ERC2: variants seen among roughly 807,000 people sequenced by gnomAD.
ERC2 encodes the protein ELKS/RAB6-interacting/CAST family member 2.
Under a neutral mutation model 114.8 loss-of-function variants are expected in ERC2, and 42 were observed. That is an observed-to-expected ratio of 0.37 (90% CI 0.29 to 0.47). ERC2 has a LOEUF of 0.47. Ranked by LOEUF, ERC2 falls within the 20% of genes least tolerant of loss-of-function variation. The pLI is 0.99. For missense variants in ERC2, 939 were observed against 1,150.7 expected (o/e 0.82, Z 2.66); for synonymous variants, 454 against 425.5 (o/e 1.07, Z -0.82).
intron 4 of ERC2, among the ~76,000 whole-genome samples, chr3:56,151,142 A>C (rs2081390464): frequency 6.6e-6 from 1 of 152,158 alleles, no homozygotes; most frequent in African/African-American, 2.4e-5. Flanking sequence ...TTGCTAAGTC[A>C]GACAAGCTCA....
At chr3:56,420,560 C>T (rs903867939) in intron 2 of ERC2, among the ~76,000 whole-genome samples, 1 of 151,852 alleles carries the variant, frequency 6.6e-6, no homozygotes, top group South Asian at 2.1e-4. Context: ...TTTTCCCATC[C>T]ACTTTGGAGA....
intron 14 of ERC2, among the ~76,000 whole-genome samples, chr3:55,768,640 G>T (rs1495365): frequency 0.24 from 37,247 of 152,078 alleles, 5,831 homozygotes; most frequent in African/African-American, 0.42. Context: ...GGGCCAGCTA[G>T]GGGAAGATCA....
chr3:56,193,111 T>C (rs552215881), intron 3 of ERC2, among the ~76,000 whole-genome samples: 7 of 152,238 alleles, frequency 4.6e-5, no homozygotes, highest in African/African-American at 1.2e-4. Context: ...AGAAAATTCA[T>C]GAATACAGGG....
chr3:56,363,143 A>G (rs1024411343), intron 2 of ERC2, among the ~76,000 whole-genome samples: 2 of 152,224 alleles, frequency 1.3e-5, no homozygotes, highest in African/African-American at 4.8e-5. Context: ...TAGAGAAACA[A>G]TGGATCAAGA....
At chr3:55,643,753 T>G (rs531102400) in intron 17 of ERC2, among the ~76,000 whole-genome samples, 2 of 152,322 alleles carry the variant, frequency 1.3e-5, no homozygotes, top group East Asian at 3.9e-4. Context: ...AATTTATGGT[T>G]TCCATTTGTA....
chr3:56,443,676 T>A (rs1291938628), intron 1 of ERC2, among the ~76,000 whole-genome samples: 3 of 151,994 alleles, frequency 2.0e-5, no homozygotes, highest in African/African-American at 7.2e-5. Context: ...TTTTTGGTTG[T>A]TGTCTCCTAA....
intron 2 of ERC2, among the ~76,000 whole-genome samples, chr3:56,390,010 T>C (rs1389568521): frequency 6.6e-6 from 1 of 152,162 alleles, no homozygotes; most frequent in Non-Finnish European, 1.5e-5. Context: ...TGAAAAATCA[T>C]TTAGTTAATA....
intron 17 of ERC2, among the ~76,000 whole-genome samples, chr3:55,604,944 A>G (rs1170003416): frequency 6.6e-6 from 1 of 152,132 alleles, no homozygotes. Flanking sequence ...CCATCTACAG[A>G]GATTCTGATT....
intron 12 of ERC2, among the ~76,000 whole-genome samples, chr3:55,966,636 C>A (rs769183846): frequency 6.6e-6 from 1 of 152,168 alleles, no homozygotes; most frequent in Non-Finnish European, 1.5e-5. Context: ...TAGAGGGAGG[C>A]AGTGCTGGAG....
At chr3:56,365,637 G>A (rs2059120953) in intron 2 of ERC2, among the ~76,000 whole-genome samples, 1 of 152,192 alleles carries the variant, frequency 6.6e-6, no homozygotes, top group Non-Finnish European at 1.5e-5. Flanking sequence ...ATTTTTAAAT[G>A]CTTGGAAAAA....
At chr3:55,599,007 C>T (rs1199717392) in intron 17 of ERC2, among the ~76,000 whole-genome samples, 1 of 152,210 alleles carries the variant, frequency 6.6e-6, no homozygotes. Flanking sequence ...TGAAGAAGGG[C>T]ACAAGTAGGC....
chr3:56,193,340 T>C lies in ERC2; in HGVS notation c.1075-19820A>G, dbSNP rs201574233. Among the ~76,000 whole-genome samples the C allele has an allele frequency of 2.6e-5, 4 of 152,194 alleles. No homozygotes were observed. The East Asian group carries it at 7.8e-4, about 30-fold the overall frequency. ...CTGGCCAACATGGCAAAACCCCGTC[T>C]CTACTGAAAATACAAAAATTAGCAG... On this transcript the variant is annotated intron_variant, in intron 3 of 17. Transcript: ENST00000288221.
At chr3:55,942,266 C>CTTTTT (rs56851837) in intron 13 of ERC2, among the ~76,000 whole-genome samples, 465 of 42,142 alleles carry the variant, frequency 0.011, 74 homozygotes, top group African/African-American at 0.012. Flanking sequence ...AAGGTCCTTT[C>CTTTTT]TTTTTTTTTT....
chr3:56,026,964 C>T (rs908309969), intron 7 of ERC2, among the ~76,000 whole-genome samples: 6 of 152,182 alleles, frequency 3.9e-5, no homozygotes, highest in African/African-American at 1.4e-4. Flanking sequence ...CACACAAATC[C>T]CTCCTGCCTC....
chr3:55,985,867 T>G, intron 12 of ERC2, 110 bp downstream of exon 12: 1 of 933,546 alleles, frequency 1.1e-6, no homozygotes. Flanking sequence ...CGGGGGGAAA[T>G]GCAGTGGCCC....
chr3:55,769,250 T>G (rs1265422072), intron 14 of ERC2, among the ~76,000 whole-genome samples: 1 of 152,122 alleles, frequency 6.6e-6, no homozygotes, highest in Admixed American at 6.6e-5. Flanking sequence ...TAAGTGGTTA[T>G]CATCACTGCT....
In ERC2 at chr3:56,466,256, T is replaced by C. The variant is rs766970743; in HGVS notation, c.-141+1992A>G. ...AATCAGTATATTCTGGCTCACAGTC[T>C]GTTTATGAAAGGCTTAATTCACAGA... is the stretch of plus-strand genomic sequence containing the variant. On this transcript the variant is annotated intron_variant, in intron 1 of 17. Coordinates refer to ENST00000288221, the MANE Select transcript of ERC2 (RefSeq NM_015576.3). Among the ~76,000 whole-genome samples, 18 of 152,260 alleles carry C rather than the reference T, an allele frequency of 1.2e-4. 1 individual carries two copies. The highest frequency in any genetic ancestry group is 2.1e-4 in the Non-Finnish European group (14 of 68,044).
chr3:56,084,869 A>T (rs1189561940), intron 6 of ERC2, among the ~76,000 whole-genome samples: 1 of 100,398 alleles, frequency 1.0e-5, no homozygotes, highest in Non-Finnish European at 2.2e-5. Context: ...TTAAAAATTA[A>T]AAAAAAAAAA....
chr3:56,009,010 C>T (rs1406087420), intron 9 of ERC2, among the ~76,000 whole-genome samples: 1 of 152,164 alleles, frequency 6.6e-6, no homozygotes, highest in Non-Finnish European at 1.5e-5. Flanking sequence ...GACTGACACA[C>T]CCAGCCCAGT....
Sources: gnomAD v4.1 joint callset for allele counts (sites outside exome capture counted in the v4.1 genomes callset) on GRCh38, gnomAD v4.1.1 for gene constraint, MANE v1.5 for transcripts, NCBI Gene and HGNC (gene_info 2026-07-23, HGNC 2026-07-21) for gene names.